The following STYX variants were observed in gnomAD, a reference collection of about 807,000 sequenced individuals.
STYX encodes serine/threonine/tyrosine interacting protein, also known as serine/threonine/tyrosine-interacting protein.
A neutral mutation model predicts 42.7 loss-of-function variants in STYX; 20 were observed. That is an observed-to-expected ratio of 0.47 (90% confidence interval 0.33 to 0.68). The LOEUF is 0.68. Among genes scored for constraint, STYX ranks in the 30% least tolerant of loss-of-function variants. The probability of loss-of-function intolerance (pLI) is 0.02; values close to 1 mark genes in which losing one functional copy is unlikely to be tolerated. For missense variants in STYX, 226 were observed against 268.5 expected (o/e 0.84, Z 1.11); for synonymous variants, 78 against 81.9 (o/e 0.95, Z 0.26).
chr14:52,769,516 C>T (rs1025003064), intron 10 of STYX, among the ~76,000 whole-genome samples: 1 of 152,060 alleles, frequency 6.6e-6, no homozygotes, highest in Non-Finnish European at 1.5e-5. Context: ...ATATACTTAG[C>T]ACTGACCTGG....
intron 7 of STYX, 43 bp downstream of exon 7, chr14:52,757,825 A>G: frequency 6.2e-7 from 1 of 1,612,496 alleles, no homozygotes; most frequent in Non-Finnish European, 8.5e-7. Flanking sequence ...ACATTTAATT[A>G]ATGGGCTGTA....
intron 9 of STYX, among the ~76,000 whole-genome samples, chr14:52,762,575 CT>C (rs1245878558): frequency 6.6e-6 from 1 of 151,336 alleles, no homozygotes; most frequent in Non-Finnish European, 1.5e-5. Context: ...ATTGGTTTGT[CT>C]TTCTTTTTTT....
At chr14:52,769,362 A>G (rs1882429204) in intron 10 of STYX, among the ~76,000 whole-genome samples, 1 of 152,094 alleles carries the variant, frequency 6.6e-6, no homozygotes, top group Admixed American at 6.6e-5. Flanking sequence ...TTCCTTTCCC[A>G]AGACCTTGCT....
Position 52,772,351 on chromosome 14 carries a change from C to CAG in STYX, c.*1245_*1246insAG, listed in dbSNP as rs1236055994. On this transcript the variant is annotated 3_prime_UTR_variant, in exon 11 of 11. Coordinates refer to ENST00000354586, the MANE Select transcript of STYX (RefSeq NM_145251.4). ...TTTTAAATTAGCATTTTAATCCATT[C>CAG]TTGACATTCAGTTAGTCCAGATCTG... is the stretch of plus-strand genomic sequence containing the variant. 1.3e-5 allele frequency: 2 copies of CAG among 152,220 alleles called. No individual in the cohort carries two copies. Among genetic ancestry groups the CAG allele is most frequent in the Non-Finnish European group, 2.9e-5 (2 of 67,964 alleles). The allele number at this position is 152,220 out of a possible 1,614,324, so 9.4% of individuals were successfully genotyped here.
intron 9 of STYX, among the ~76,000 whole-genome samples, chr14:52,763,255 T>C (rs759620633): frequency 1.4e-4 from 22 of 152,192 alleles, no homozygotes; most frequent in Non-Finnish European, 2.8e-4. Context: ...TGTGTAATCA[T>C]TGATTTCATA....
intron 3 of STYX, among the ~76,000 whole-genome samples, chr14:52,747,024 G>GA (rs1881421774): frequency 6.6e-6 from 1 of 152,022 alleles, no homozygotes; most frequent in African/African-American, 2.4e-5. Flanking sequence ...TTCGGATTTC[G>GA]GATTTTTGGA....
Position 52,739,632 on chromosome 14 carries a change from C to CTTTTTT in STYX, c.58-5202_58-5197dup, listed in dbSNP as rs58454717. Among the ~76,000 whole-genome samples, 594 of 65,728 alleles carry CTTTTTT rather than the reference C, an allele frequency of 9.0e-3. 2 individuals carry two copies. The highest frequency in any genetic ancestry group is 0.012 in the Non-Finnish European group (426 of 36,954). 43.1% of individuals were successfully genotyped at this position (65,728 alleles called of 152,430 possible). A position where few individuals can be genotyped will look rare whatever the true frequency, so the allele number is the denominator to read the frequency against. On this transcript the variant is annotated intron_variant, in intron 1 of 10. Transcript: ENST00000354586. ...AAACTGTTTTCTTTTTCCTTTCTTT[C>CTTTTTT]TTTTTTTTTTTTTTTTTTTTTTTCG...
intron 2 of STYX, 73 bp from the exon 3 acceptor site, chr14:52,746,353 G>C: frequency 8.8e-7 from 1 of 1,135,308 alleles, no homozygotes; most frequent in Non-Finnish European, 1.3e-6. Context: ...GGCCAAATAA[G>C]GTTTGTCTTA....
intron 1 of STYX, among the ~76,000 whole-genome samples, chr14:52,735,908 CTTTT>C (rs1009800103): frequency 1.3e-5 from 2 of 152,142 alleles, no homozygotes; most frequent in African/African-American, 4.8e-5. Context: ...AAGATTGTTA[CTTTT>C]TTTGTTTAAA....
chr14:52,761,288 A>G (rs1882083748), intron 9 of STYX, among the ~76,000 whole-genome samples: 2 of 149,066 alleles, frequency 1.3e-5, no homozygotes, highest in South Asian at 2.1e-4. Context: ...AGATCATGCC[A>G]TTGCACTCCA....
chr14:52,760,248 GA>G (rs1342743851), intron 9 of STYX, among the ~76,000 whole-genome samples: 2 of 151,714 alleles, frequency 1.3e-5, no homozygotes, highest in Non-Finnish European at 2.9e-5. Context: ...GCATTACCAA[GA>G]AAAAAGGGTT....
At chr14:52,753,892 ATTTTTTT>A (rs56734068) in intron 4 of STYX, among the ~76,000 whole-genome samples, 12,169 of 76,502 alleles carry the variant, frequency 0.16, 360 homozygotes, top group African/African-American at 0.22. Context: ...CAAAACACTG[ATTTTTTT>A]TTTTTTTTTT....
chr14:52,768,661 T>A (rs1410140353), intron 9 of STYX, among the ~76,000 whole-genome samples, 179 bp from the exon 10 acceptor site: 1 of 152,134 alleles, frequency 6.6e-6, no homozygotes, highest in Non-Finnish European at 1.5e-5. Context: ...TGATTTATAG[T>A]TATCAGTAGT....
chr14:52,762,929 G>C (rs547186576), intron 9 of STYX, among the ~76,000 whole-genome samples: 54 of 105,728 alleles, frequency 5.1e-4, no homozygotes, highest in African/African-American at 1.9e-3. Flanking sequence ...CTTCTGCTCT[G>C]TTGCCCAGGC....
intron 4 of STYX, among the ~76,000 whole-genome samples, chr14:52,754,160 T>TTAC (rs930406134): frequency 1.3e-5 from 2 of 152,086 alleles, no homozygotes; most frequent in Admixed American, 1.3e-4. Flanking sequence ...AGTGCTGGGA[T>TTAC]TACAGGCGTG....
chr14:52,742,856 C>T (rs149876157), intron 1 of STYX, among the ~76,000 whole-genome samples: 306 of 150,248 alleles, frequency 2.0e-3, no homozygotes, highest in African/African-American at 7.3e-3. Context: ...GAGTGCAATG[C>T]CACGATCTCA....
At position 52,734,222 on chromosome 14, in the gene STYX, A is replaced by G. The variant is rs1245178147; in HGVS notation, c.57+3691A>G. 8.5e-5 allele frequency among the ~76,000 whole-genome samples: 13 copies of G among 152,308 alleles called. No homozygotes were observed. In the East Asian group the frequency reaches 2.5e-3, roughly 29 times the overall value. On this transcript the variant is annotated intron_variant, in intron 1 of 10. Coordinates refer to ENST00000354586, the MANE Select transcript of STYX (RefSeq NM_145251.4). ...GTAGCCTCTGGTCCTTTTGTTACTT[A>G]GGCGTGGAAAGTTAGGGTTTTCCCT...
intron 3 of STYX, among the ~76,000 whole-genome samples, chr14:52,749,207 A>G (rs1368524167): frequency 6.6e-6 from 1 of 152,164 alleles, no homozygotes; most frequent in Non-Finnish European, 1.5e-5. Flanking sequence ...GCCTCTTCTT[A>G]CAAGGGTACA....
At chr14:52,756,384 A>G (rs1438225770) in intron 4 of STYX, among the ~76,000 whole-genome samples, 167 bp from the exon 5 acceptor site, 1 of 152,108 alleles carries the variant, frequency 6.6e-6, no homozygotes, top group Non-Finnish European at 1.5e-5. Flanking sequence ...TTCAGGTTTT[A>G]ATGCCTTCAA....
Sources: gnomAD v4.1 joint callset for allele counts (sites outside exome capture counted in the v4.1 genomes callset) on GRCh38, gnomAD v4.1.1 for gene constraint, MANE v1.5 for transcripts, NCBI Gene and HGNC (gene_info 2026-07-23, HGNC 2026-07-21) for gene names.